The following PVT1 variants were observed in gnomAD, a reference collection of about 807,000 sequenced individuals.
PVT1 encodes CXCR4/PVT1 fusion.
chr8:128,032,498 A>G (rs528591380), intron 4 of PVT1, among the ~76,000 whole-genome samples: 52 of 152,318 alleles, frequency 3.4e-4, no homozygotes, highest in African/African-American at 1.3e-3. Flanking sequence ...ATTTCATTTC[A>G]TCTCATCAGT....
At chr8:128,069,696 T>C (rs1416734168) in intron 4 of PVT1, among the ~76,000 whole-genome samples, 2 of 152,114 alleles carry the variant, frequency 1.3e-5, no homozygotes, top group African/African-American at 4.8e-5. Context: ...ACATAACAGC[T>C]CTGCAGAGCC....
At chr8:128,007,836 C>A (rs1253072223) in intron 4 of PVT1, among the ~76,000 whole-genome samples, 12 of 152,212 alleles carry the variant, frequency 7.9e-5, no homozygotes, top group African/African-American at 2.7e-4. Flanking sequence ...CAATGTCTTG[C>A]CCAGTGGACA....
In PVT1 at chr8:127,936,822, T is replaced by G. The variant is rs573845025; in HGVS notation, n.782+45824T>G. Among the ~76,000 whole-genome samples the G allele has an allele frequency of 5.9e-5, 9 of 152,312 alleles. No homozygotes were observed. The East Asian group carries it at 1.7e-3, about 29-fold the overall frequency. On this transcript the variant is annotated intron_variant and non_coding_transcript_variant, in intron 3 of 10. Coordinates refer to ENST00000651587, the Ensembl canonical transcript of PVT1. The stretch of plus-strand genomic sequence containing the variant: ...CTGGGAACATACCCTCCCGTGGGAC[T>G]TGGCATGGCACCCACCTCTGCAGAG...
intron 4 of PVT1, among the ~76,000 whole-genome samples, chr8:128,008,277 G>A (rs1011832061): frequency 7.2e-5 from 11 of 152,180 alleles, no homozygotes; most frequent in African/African-American, 2.7e-4. Flanking sequence ...TGTATACAGG[G>A]CAGATGCTCC....
chr8:127,982,496 C>CT (rs1563656616), intron 3 of PVT1, among the ~76,000 whole-genome samples: 1 of 151,966 alleles, frequency 6.6e-6, no homozygotes, highest in Non-Finnish European at 1.5e-5. Flanking sequence ...TTGTCAATTT[C>CT]TTTTTTTCCT....
intron 4 of PVT1, among the ~76,000 whole-genome samples, chr8:128,005,822 G>A (rs1817239814): frequency 6.6e-6 from 1 of 152,134 alleles, no homozygotes; most frequent in Admixed American, 6.5e-5. Flanking sequence ...GACGTTTCAA[G>A]GCCAGGTGTG....
In PVT1 at chr8:127,855,103, CCTCT is replaced by C. The variant is rs143132544; in HGVS notation, n.373-35479_373-35476del. ...TACCCGATTCAAGTTAAGTTTCTCT[CCTCT>C]CTCTCTGTCTCTCTTTCTCCCACGT... On this transcript the variant is annotated intron_variant and non_coding_transcript_variant, in intron 2 of 10. Coordinates refer to ENST00000651587, the Ensembl canonical transcript of PVT1. The C allele has an allele frequency of 3.3e-3, 1,311 of 398,604 alleles. 14 individuals are homozygous for C. Among genetic ancestry groups the C allele is most frequent in the African/African-American group, 0.024 (1,161 of 48,740 alleles). The allele number at this position is 398,604 out of a possible 1,614,324, so 24.7% of individuals were successfully genotyped here. A position where few individuals can be genotyped will look rare whatever the true frequency, so the allele number is the denominator to read the frequency against.
intron 2 of PVT1, among the ~76,000 whole-genome samples, chr8:127,861,704 G>A (rs533996557): frequency 1.9e-3 from 288 of 152,160 alleles, no homozygotes; most frequent in Admixed American, 3.4e-3. Context: ...TCTGTAAAAT[G>A]GGGAAAATAA....
Position 128,001,546 on chromosome 8 carries a change from G to C in PVT1, n.912+12255G>C, listed in dbSNP as rs540020188. 7.9e-5 allele frequency among the ~76,000 whole-genome samples: 12 copies of C among 152,234 alleles called. No homozygotes were observed. In the East Asian group the frequency reaches 2.3e-3, roughly 29 times the overall value. Reference sequence around the variant, plus strand: ...TCAGACTCGCCATTGGCCCCCACCAGATCAGGAATCTGTTTTCCCTTGTTG... The same window carrying C: ...TCAGACTCGCCATTGGCCCCCACCACATCAGGAATCTGTTTTCCCTTGTTG... On this transcript the variant is annotated intron_variant and non_coding_transcript_variant, in intron 4 of 10. Coordinates refer to ENST00000651587, the Ensembl canonical transcript of PVT1.
intron 5 of PVT1, among the ~76,000 whole-genome samples, chr8:128,075,656 A>G (rs1814078822): frequency 6.6e-6 from 1 of 152,222 alleles, no homozygotes; most frequent in African/African-American, 2.4e-5. Context: ...ACGCATGCAC[A>G]TATACACACT....
At chr8:127,925,796 C>G (rs1476470170) in intron 3 of PVT1, among the ~76,000 whole-genome samples, 1 of 152,088 alleles carries the variant, frequency 6.6e-6, no homozygotes, top group East Asian at 1.9e-4. Context: ...CATACACCAC[C>G]ATGCCTGGCT....
intron 2 of PVT1, among the ~76,000 whole-genome samples, chr8:127,815,296 G>A (rs548487925): frequency 3.9e-5 from 6 of 152,268 alleles, no homozygotes; most frequent in African/African-American, 7.2e-5. Context: ...GTATATCTCC[G>A]TTGTAGCCTG....
At chr8:127,943,911 G>A (rs1816385441) in intron 3 of PVT1, among the ~76,000 whole-genome samples, 1 of 152,164 alleles carries the variant, frequency 6.6e-6, no homozygotes, top group Non-Finnish European at 1.5e-5. Flanking sequence ...TGTGGAGCAT[G>A]TTACTCCACA....
At chr8:127,828,371 A>G (rs1432637759) in intron 2 of PVT1, among the ~76,000 whole-genome samples, 1 of 152,166 alleles carries the variant, frequency 6.6e-6, no homozygotes, top group Non-Finnish European at 1.5e-5. Flanking sequence ...AACAACAACA[A>G]TAATTAGAAG....
At chr8:127,881,115 GGAGA>G (rs1249491155) in intron 2 of PVT1, among the ~76,000 whole-genome samples, 1 of 152,172 alleles carries the variant, frequency 6.6e-6, no homozygotes, top group Non-Finnish European at 1.5e-5. Context: ...TCCTCCTTGT[GGAGA>G]CCCACATTGT....
intron 3 of PVT1, among the ~76,000 whole-genome samples, chr8:127,904,019 A>G (rs1250391883): frequency 3.3e-5 from 5 of 152,202 alleles, no homozygotes; most frequent in African/African-American, 1.2e-4. Flanking sequence ...TTTGGACAGT[A>G]TGGCCATTTT....
At chr8:128,082,255 A>C (rs1437942848) in intron 5 of PVT1, among the ~76,000 whole-genome samples, 1 of 152,198 alleles carries the variant, frequency 6.6e-6, no homozygotes, top group Non-Finnish European at 1.5e-5. Flanking sequence ...AGCTTTAGGG[A>C]GGTTAAGTAA....
intron 2 of PVT1, among the ~76,000 whole-genome samples, chr8:127,826,015 T>G (rs1198648534): frequency 4.8e-5 from 1 of 20,862 alleles, no homozygotes; most frequent in Non-Finnish European, 8.2e-5. Flanking sequence ...CATGCCCAGC[T>G]TTTTTTTTTT....
intron 3 of PVT1, among the ~76,000 whole-genome samples, chr8:127,900,673 G>A (rs1226527004): frequency 6.6e-6 from 1 of 152,156 alleles, no homozygotes; most frequent in East Asian, 1.9e-4. Context: ...CCAGAATTTT[G>A]CTTTTGTAAA....
Sources: allele counts gnomAD v4.1 joint callset (sites outside exome capture counted in the v4.1 genomes callset), GRCh38; gene constraint gnomAD v4.1.1; transcripts MANE v1.5; gene names NCBI Gene and HGNC (gene_info 2026-07-23, HGNC 2026-07-21).